Variants in MRTFA observed in about 807,000 individuals in gnomAD.
MRTFA encodes the protein myocardin related transcription factor A.
A neutral mutation model predicts 83.5 loss-of-function variants in MRTFA; 20 were observed. The observed-to-expected ratio is 0.24, with a 90% CI of 0.17 to 0.35. The LOEUF (loss-of-function observed/expected upper bound fraction) is 0.35, where lower values mean the gene tolerates loss of function less well. Ranked by LOEUF, MRTFA falls within the 10% of genes least tolerant of loss-of-function variation. The pLI, the probability that MRTFA is intolerant of heterozygous loss-of-function variation, is 1.00. For missense variants in MRTFA, 1,200 were observed against 1,224.7 expected (o/e 0.98, Z 0.30); for synonymous variants, 659 against 541.2 (o/e 1.22, Z -3.02).
chr22:40,552,311 G>A lies in MRTFA; in HGVS notation c.36C>T (p.Ser12=), dbSNP rs182934130. 294 of 399,068 alleles carry A rather than the reference G, an allele frequency of 7.4e-4. No homozygotes were observed. Among genetic ancestry groups the A allele is most frequent in the African/African-American group, 5.5e-3 (266 of 48,748 alleles). The allele number at this position is 399,068 out of a possible 1,614,324, so 24.7% of individuals were successfully genotyped here. A position where few individuals can be genotyped will look rare whatever the true frequency, so the allele number is the denominator to read the frequency against. ...CGTCCAGCCCATTCACAGCAATGAC[G>A]GAAGGGGGCAGGCACACCACACTGG... The change falls in exon 3 of 15, where the codon TCC becomes TCT. Residue 12 remains serine, a synonymous_variant. Transcript: ENST00000355630.
At chr22:40,524,559 A>G (rs1168109267) in intron 3 of MRTFA, among the ~76,000 whole-genome samples, 1 of 152,212 alleles carries the variant, frequency 6.6e-6, no homozygotes, top group African/African-American at 2.4e-5. Context: ...AATAGAAACA[A>G]AGGCAAAAAT....
chr22:40,495,098 G>A (rs962692216), intron 3 of MRTFA, among the ~76,000 whole-genome samples: 11 of 151,952 alleles, frequency 7.2e-5, no homozygotes, highest in African/African-American at 2.7e-4. Context: ...GCTTGGCAAA[G>A]CACAGTAGCT....
chr22:40,473,359 C>G (rs1390446235), intron 3 of MRTFA, among the ~76,000 whole-genome samples: 1 of 152,110 alleles, frequency 6.6e-6, no homozygotes. Context: ...TGAGGTCTCA[C>G]TGTTGCCCAG....
At chr22:40,585,674 A>G (rs2056017846) in intron 2 of MRTFA, among the ~76,000 whole-genome samples, 1 of 152,242 alleles carries the variant, frequency 6.6e-6, no homozygotes, top group Non-Finnish European at 1.5e-5. Flanking sequence ...AGCTAAAAGA[A>G]CAGAGCTAGG....
chr22:40,549,643 G>A (rs753765991), intron 3 of MRTFA, among the ~76,000 whole-genome samples: 4 of 152,156 alleles, frequency 2.6e-5, no homozygotes, highest in Admixed American at 6.5e-5. Flanking sequence ...ACTAACAGGT[G>A]TACTCACTTT....
intron 4 of MRTFA, among the ~76,000 whole-genome samples, chr22:40,456,725 G>A (rs1447022919): frequency 6.6e-6 from 1 of 152,070 alleles, no homozygotes; most frequent in East Asian, 1.9e-4. Context: ...GTTTTCTTTT[G>A]GCTCATTTTA....
chr22:40,419,971 C>A (rs975694756), intron 11 of MRTFA, among the ~76,000 whole-genome samples: 4 of 152,158 alleles, frequency 2.6e-5, no homozygotes, highest in African/African-American at 9.7e-5. Flanking sequence ...GGGGAAAATG[C>A]GGGCAGGGTT....
At chr22:40,560,162 G>A (rs1325054531) in intron 2 of MRTFA, among the ~76,000 whole-genome samples, 1 of 152,170 alleles carries the variant, frequency 6.6e-6, no homozygotes, top group Non-Finnish European at 1.5e-5. Context: ...CACAAAACAA[G>A]AGGGGCAGAA....
intron 3 of MRTFA, among the ~76,000 whole-genome samples, chr22:40,526,965 G>A (rs2054985843): frequency 6.6e-6 from 1 of 151,818 alleles, no homozygotes; most frequent in African/African-American, 2.4e-5. Context: ...TGGGGCAGGG[G>A]AGGAGAAAAA....
intron 1 of MRTFA, among the ~76,000 whole-genome samples, chr22:40,632,824 G>T (rs1190575639): frequency 1.3e-5 from 2 of 152,152 alleles, no homozygotes; most frequent in African/African-American, 4.8e-5. Context: ...TGAAAAATAA[G>T]AAATGTTGTC....
intron 3 of MRTFA, among the ~76,000 whole-genome samples, chr22:40,478,226 C>G (rs1035377612): frequency 6.6e-6 from 1 of 152,108 alleles, no homozygotes. Flanking sequence ...TGATTAAATG[C>G]AATGTGGTAT....
At position 40,416,706 on chromosome 22, in the gene MRTFA, T is replaced by A. The variant is rs377393839; in HGVS notation, c.2578+280A>T. Among the ~76,000 whole-genome samples the A allele has an allele frequency of 1.2e-4, 18 of 152,324 alleles. No individual in the cohort carries two copies. Among genetic ancestry groups the A allele is most frequent in the African/African-American group, 4.1e-4 (17 of 41,574 alleles). Reference sequence around the variant, plus strand: ...TTATTTCTTATATTTGTTGTCCACCTCCCCAGGCTGCACTGTGAGCTCCAC... The same window carrying A: ...TTATTTCTTATATTTGTTGTCCACCACCCCAGGCTGCACTGTGAGCTCCAC... On this transcript the variant is annotated intron_variant, in intron 14 of 14. Coordinates refer to ENST00000355630, the MANE Select transcript of MRTFA (RefSeq NM_020831.6). This position sits in a 1 kb window ranked among gnomAD's most constrained non-coding sequence, Gnocchi z 4.2.
intron 6 of MRTFA, 59 bp downstream of exon 6, chr22:40,431,346 T>C (rs886299531): frequency 2.0e-6 from 3 of 1,478,150 alleles, no homozygotes; most frequent in African/African-American, 2.8e-5. Context: ...GGTAGTGCAG[T>C]AGTGAGTACA....
chr22:40,468,448 T>TA (rs2053845996), intron 3 of MRTFA, among the ~76,000 whole-genome samples: 1 of 151,928 alleles, frequency 6.6e-6, no homozygotes, highest in Non-Finnish European at 1.5e-5. Context: ...AACAGGACAG[T>TA]AAAAAAACAA....
intron 3 of MRTFA, among the ~76,000 whole-genome samples, chr22:40,482,960 A>G (rs1262279501): frequency 6.6e-6 from 1 of 152,108 alleles, no homozygotes; most frequent in Non-Finnish European, 1.5e-5. Flanking sequence ...GGGAGACAAC[A>G]TCTGGTTGTG....
At chr22:40,502,940 G>A (rs2054520767) in intron 3 of MRTFA, among the ~76,000 whole-genome samples, 1 of 152,124 alleles carries the variant, frequency 6.6e-6, no homozygotes, top group South Asian at 2.1e-4. Flanking sequence ...CCTTCCTAGT[G>A]TCACAGAGGA....
chr22:40,612,837 C>T (rs1309632269), intron 1 of MRTFA, among the ~76,000 whole-genome samples: 1 of 152,122 alleles, frequency 6.6e-6, no homozygotes, highest in Non-Finnish European at 1.5e-5. Context: ...TGCCCAGCTA[C>T]TCAGGAGCCT....
chr22:40,585,932 T>A (rs897974997), intron 2 of MRTFA, among the ~76,000 whole-genome samples: 1 of 152,178 alleles, frequency 6.6e-6, no homozygotes, highest in Admixed American at 6.6e-5. Context: ...ATCTTGCAAT[T>A]AAATAAAATG....
At chr22:40,553,991 T>A (rs927177475) in intron 2 of MRTFA, among the ~76,000 whole-genome samples, 1 of 152,216 alleles carries the variant, frequency 6.6e-6, no homozygotes, top group Non-Finnish European at 1.5e-5. Flanking sequence ...TTCAGAGCCT[T>A]AAGATCTGAC....
Sources: gnomAD v4.1 joint callset for allele counts (sites outside exome capture counted in the v4.1 genomes callset) on GRCh38, gnomAD v4.1.1 for gene constraint, Gnocchi (gnomAD v3.1) non-coding constraint, MANE v1.5 for transcripts, NCBI Gene and HGNC (gene_info 2026-07-23, HGNC 2026-07-21) for gene names.